Variants in CDH4 observed in about 807,000 individuals in gnomAD.
CDH4 encodes the protein cadherin-4.
A neutral mutation model predicts 86.0 loss-of-function variants in CDH4; 33 were observed. The observed-to-expected ratio is 0.38, with a 90% CI of 0.29 to 0.51. The LOEUF (loss-of-function observed/expected upper bound fraction) is 0.51, where lower values mean the gene tolerates loss of function less well. Among genes scored for constraint, CDH4 ranks in the 20% least tolerant of loss-of-function variants. The pLI is 0.86. For synonymous variants in CDH4, 555 were observed against 549.4 expected (o/e 1.01, Z -0.14); for missense variants, 1,114 against 1,307.4 (o/e 0.85, Z 2.28).
chr20:61,769,430 C>T (rs552497573), intron 3 of CDH4, among the ~76,000 whole-genome samples: 19 of 152,174 alleles, frequency 1.2e-4, no homozygotes, highest in Non-Finnish European at 2.4e-4. Context: ...ATCACTGAGA[C>T]CCCCTTTTCC....
chr20:61,872,769 C>G (rs1450630916), intron 6 of CDH4, among the ~76,000 whole-genome samples: 1 of 152,232 alleles, frequency 6.6e-6, no homozygotes, highest in Non-Finnish European at 1.5e-5. Flanking sequence ...GGTGAGAGAG[C>G]CCGCCGTGCC....
intron 2 of CDH4, among the ~76,000 whole-genome samples, chr20:61,591,213 G>C (rs2086517325): frequency 6.6e-6 from 1 of 152,186 alleles, no homozygotes; most frequent in Admixed American, 6.5e-5. Context: ...AAGTACCGGG[G>C]CCAAACCTGT....
chr20:61,895,026 G>A lies in CDH4; in HGVS notation c.1167G>A (p.Pro389=), dbSNP rs201033456. ...CGGTGACAGATGTGAATGACAACCC[G>A]CCAGAATTTACCGCCAGCACGGTGA... ...IITVTDVNDN[P]PEFTASTFAG... The change falls in exon 8 of 16, where the codon CCG becomes CCA. Residue 389 remains proline (P), a synonymous_variant. Coordinates refer to ENST00000614565, the MANE Select transcript of CDH4 (RefSeq NM_001794.5). The A allele has an allele frequency of 1.4e-5, 22 of 1,613,760 alleles. No individual in the cohort carries two copies. In the East Asian group the frequency reaches 1.8e-4, roughly 13 times the overall value.
At chr20:61,465,450 G>A (rs948983424) in intron 2 of CDH4, among the ~76,000 whole-genome samples, 5 of 151,832 alleles carry the variant, frequency 3.3e-5, no homozygotes, top group Admixed American at 1.3e-4. Context: ...GTATTTACCC[G>A]TGATAGTCAA....
At chr20:61,296,324 CGT>C (rs140943090) in intron 2 of CDH4, among the ~76,000 whole-genome samples, 43 of 145,470 alleles carry the variant, frequency 3.0e-4, no homozygotes, top group Non-Finnish European at 3.8e-4. Flanking sequence ...TGCATGCGTG[CGT>C]GTGTGTGTGT....
intron 2 of CDH4, among the ~76,000 whole-genome samples, chr20:61,713,595 G>C (rs1258398785): frequency 6.6e-6 from 1 of 152,172 alleles, no homozygotes; most frequent in African/African-American, 2.4e-5. Context: ...CAGGTGTGAG[G>C]GGCCAAAGAC....
chr20:61,304,694 T>TAG (rs1388010327), intron 2 of CDH4, among the ~76,000 whole-genome samples: 6 of 152,172 alleles, frequency 3.9e-5, no homozygotes, highest in African/African-American at 1.4e-4. Flanking sequence ...GATGTATTTC[T>TAG]AGACTATGTA....
At chr20:61,820,226 T>G (rs947893657) in intron 4 of CDH4, among the ~76,000 whole-genome samples, 5 of 151,974 alleles carry the variant, frequency 3.3e-5, no homozygotes, top group Non-Finnish European at 7.4e-5. Flanking sequence ...GGCTGCTGCC[T>G]GGCATGAGAA....
At chr20:61,768,858 C>T (rs369308444) in intron 3 of CDH4, among the ~76,000 whole-genome samples, 68 of 152,330 alleles carry the variant, frequency 4.5e-4, no homozygotes, top group African/African-American at 1.2e-3. Context: ...GGGAAATTAA[C>T]GCCATACAAG....
chr20:61,580,749 G>A (rs1600777997), intron 2 of CDH4, among the ~76,000 whole-genome samples: 1 of 152,170 alleles, frequency 6.6e-6, no homozygotes, highest in Non-Finnish European at 1.5e-5. Flanking sequence ...CAGGCGTTGG[G>A]CGCACGAAAT....
intron 2 of CDH4, among the ~76,000 whole-genome samples, chr20:61,680,399 A>G (rs535562024): frequency 2.0e-5 from 3 of 152,086 alleles, no homozygotes; most frequent in South Asian, 4.2e-4. Flanking sequence ...CCTTGCCCCA[A>G]GGTCCCTGGC....
intron 2 of CDH4, among the ~76,000 whole-genome samples, chr20:61,694,372 C>T (rs1000239880): frequency 2.0e-5 from 3 of 152,200 alleles, no homozygotes; most frequent in African/African-American, 7.2e-5. Context: ...GACTGTGCCC[C>T]TTCCCAGGCT....
intron 2 of CDH4, among the ~76,000 whole-genome samples, chr20:61,373,951 G>T (rs2084853340): frequency 6.6e-6 from 1 of 152,216 alleles, no homozygotes; most frequent in African/African-American, 2.4e-5. Context: ...GATGGGGCAG[G>T]TGTGGAACTC....
chr20:61,611,768 A>G (rs2086687092), intron 2 of CDH4, among the ~76,000 whole-genome samples: 1 of 152,126 alleles, frequency 6.6e-6, no homozygotes, highest in Non-Finnish European at 1.5e-5. Flanking sequence ...ACCGGGAAGC[A>G]AGCTCAGTGG....
At chr20:61,557,150 C>T (rs554483960) in intron 2 of CDH4, among the ~76,000 whole-genome samples, 59 of 152,272 alleles carry the variant, frequency 3.9e-4, no homozygotes, top group African/African-American at 1.2e-3. Context: ...GGGATTGATG[C>T]TGGAGTGGAC....
chr20:61,332,818 G>A (rs571860016), intron 2 of CDH4, among the ~76,000 whole-genome samples: 4 of 152,204 alleles, frequency 2.6e-5, no homozygotes, highest in Non-Finnish European at 5.9e-5. Flanking sequence ...CCTTCCTCTG[G>A]CCTCACCCTG....
intron 2 of CDH4, among the ~76,000 whole-genome samples, chr20:61,279,826 G>A (rs112608681): frequency 0.011 from 1,624 of 152,290 alleles, 24 homozygotes; most frequent in African/African-American, 0.037. Context: ...GCTGCCTGCC[G>A]GCTGGGGCTG....
At chr20:61,655,462 G>A (rs2087177170) in intron 2 of CDH4, among the ~76,000 whole-genome samples, 1 of 152,200 alleles carries the variant, frequency 6.6e-6, no homozygotes, top group Admixed American at 6.5e-5. Flanking sequence ...AAAAGAAACG[G>A]CCATCGTTCC....
intron 3 of CDH4, among the ~76,000 whole-genome samples, chr20:61,769,369 T>G (rs930309901): frequency 6.6e-6 from 1 of 152,204 alleles, no homozygotes; most frequent in African/African-American, 2.4e-5. Flanking sequence ...TCAGACCTGT[T>G]TCTCCCCAGT....
Sources: allele counts gnomAD v4.1 joint callset (sites outside exome capture counted in the v4.1 genomes callset), GRCh38; gene constraint gnomAD v4.1.1; transcripts MANE v1.5; gene names NCBI Gene and HGNC (gene_info 2026-07-23, HGNC 2026-07-21).